FANCD2OS: variants seen among roughly 807,000 people sequenced by gnomAD.
The protein encoded by FANCD2OS is FANCD2 opposite strand.
A neutral mutation model predicts 13.2 loss-of-function variants in FANCD2OS; 11 were observed. The ratio of observed to expected loss-of-function variants is 0.83; its 90% CI spans 0.52 to 1.38. The LOEUF is 1.38. FANCD2OS is among the 40% of genes most tolerant of loss of function. The pLI, the probability that FANCD2OS is intolerant of heterozygous loss-of-function variation, is 0.00. For synonymous variants in FANCD2OS, 69 were observed against 84.5 expected (o/e 0.82, Z 1.01); for missense variants, 217 against 213.9 (o/e 1.01, Z -0.09).
intron 2 of FANCD2OS, chr3:10,088,559 C>G: frequency 6.5e-7 from 1 of 1,532,932 alleles, no homozygotes; most frequent in Non-Finnish European, 9.0e-7. Flanking sequence ...TGTTTGGTTT[C>G]TTCCAATGAG....
downstream of FANCD2OS, chr3:10,103,161 G>GT (rs1695369155): frequency 2.5e-6 from 1 of 392,246 alleles, no homozygotes; most frequent in African/African-American, 2.2e-5. Flanking sequence ...CCAGCACTTT[G>GT]GGAGGCTGAG....
intron 2 of FANCD2OS, among the ~76,000 whole-genome samples, chr3:10,086,410 C>G (rs1210620537): frequency 6.6e-6 from 1 of 152,082 alleles, no homozygotes; most frequent in Non-Finnish European, 1.5e-5. Flanking sequence ...TGGTCTTTCT[C>G]TCACTTCCCT....
intron 2 of FANCD2OS, among the ~76,000 whole-genome samples, chr3:10,089,982 C>G (rs1042888638): frequency 6.6e-6 from 1 of 152,200 alleles, no homozygotes; most frequent in Non-Finnish European, 1.5e-5. Flanking sequence ...TAGAGAACTT[C>G]TCAAGCTTAC....
downstream of FANCD2OS, among the ~76,000 whole-genome samples, chr3:10,102,253 C>T (rs985809002): frequency 9.9e-5 from 15 of 151,456 alleles, no homozygotes; most frequent in Non-Finnish European, 2.2e-4. Context: ...AAACAATTCT[C>T]CTGTCTCAGC....
chr3:10,100,515 G>C (rs1293822135), downstream of FANCD2OS, among the ~76,000 whole-genome samples: 1 of 152,138 alleles, frequency 6.6e-6, no homozygotes, highest in Non-Finnish European at 1.5e-5. Flanking sequence ...AGGATTACAG[G>C]TGCCTGCAAC....
At chr3:10,101,977 A>G, downstream of FANCD2OS, 1 of 176,380 alleles carries the variant, frequency 5.7e-6, no homozygotes. Flanking sequence ...TCATTATTCA[A>G]GGATTAGGTG....
intron 1 of FANCD2OS, 150 bp from the exon 2 acceptor site, chr3:10,104,932 A>ATTATT (rs113292025): frequency 7.2e-5 from 34 of 473,144 alleles, no homozygotes; most frequent in Non-Finnish European, 2.4e-5. Context: ...GATATTAGTA[A>ATTATT]TTATTTTATT....
chr3:10,105,749 TAAAAAAAA>T (rs142496934), intron 1 of FANCD2OS, among the ~76,000 whole-genome samples: 1 of 22,268 alleles, frequency 4.5e-5, no homozygotes, highest in South Asian at 1.5e-3. Context: ...AGACTCCATC[TAAAAAAAA>T]AAAAAAAAAA....
At chr3:10,095,289 A>C in intron 2 of FANCD2OS, 1 of 1,610,500 alleles carries the variant, frequency 6.2e-7, no homozygotes, top group Non-Finnish European at 8.5e-7. Flanking sequence ...GAAGGGGAGC[A>C]GGTTCTATCA....
chr3:10,097,854 A>G (rs1407478283), intron 2 of FANCD2OS, among the ~76,000 whole-genome samples: 1 of 152,194 alleles, frequency 6.6e-6, no homozygotes, highest in Non-Finnish European at 1.5e-5. Flanking sequence ...AAAAGTATTA[A>G]TTTGGGGAAC....
In FANCD2OS at chr3:10,106,105, G is replaced by A. The variant is rs190611962; in HGVS notation, c.-8-1323C>T. 3.3e-5 allele frequency among the ~76,000 whole-genome samples: 5 copies of A among 151,986 alleles called. No individual in the cohort carries two copies. In the East Asian group the frequency reaches 9.7e-4, roughly 29 times the overall value. On this transcript the variant is annotated intron_variant, in intron 1 of 1. Transcript: ENST00000450660. ...ACAAGGGAGCAACTTGCAGACCCCTGGGTTATTTATATACCACCTCAGAGG... is the reference window on the plus strand; with the variant it reads ...ACAAGGGAGCAACTTGCAGACCCCTAGGTTATTTATATACCACCTCAGAGG...
chr3:10,104,300 T>G lies in FANCD2OS; in HGVS notation c.475A>C (p.Ile159Leu). The change falls in exon 2 of 2, where the codon ATC (isoleucine) becomes CTC (leucine). Residue 159 changes from isoleucine (I) to leucine (L), a missense_variant. Physicochemically the swap from Ile to Leu is conservative, Grantham distance 5. Coordinates refer to ENST00000450660, the MANE Select transcript of FANCD2OS (RefSeq NM_001164839.2). ...VTMCKQMLRS[I>L]LLLYATYKKC... Reference sequence around the variant, plus strand: ...TTGTAAGTTGCATACAGCAAGAGGATAGAGCGCAGCATCTGTTTGCACATA... The same window carrying G: ...TTGTAAGTTGCATACAGCAAGAGGAGAGAGCGCAGCATCTGTTTGCACATA... The G allele has an allele frequency of 6.2e-7, 1 of 1,614,156 alleles. No individual in the cohort carries two copies. Among genetic ancestry groups the G allele is most frequent in the Non-Finnish European group, 8.5e-7 (1 of 1,180,010 alleles).
chr3:10,090,495 T>C, intron 2 of FANCD2OS: 2 of 728,748 alleles, frequency 2.7e-6, no homozygotes, highest in South Asian at 3.2e-5. Context: ...TTGCTTGTTC[T>C]GTTGCCCAGA....
intron 1 of FANCD2OS, among the ~76,000 whole-genome samples, chr3:10,106,462 C>T (rs1392738421): frequency 1.3e-5 from 2 of 152,162 alleles, no homozygotes; most frequent in East Asian, 1.9e-4. Context: ...GTGGGCATAG[C>T]AGGTCCCTTT....
At chr3:10,106,612 G>A (rs1434241897) in intron 1 of FANCD2OS, among the ~76,000 whole-genome samples, 2 of 152,062 alleles carry the variant, frequency 1.3e-5, no homozygotes, top group African/African-American at 2.4e-5. Context: ...AGAAAAGTTC[G>A]TTTTAAAAAA....
At chr3:10,107,907 C>G (rs909145075) in intron 1 of FANCD2OS, 108 bp downstream of exon 1, 7 of 152,294 alleles carry the variant, frequency 4.6e-5, no homozygotes, top group Non-Finnish European at 1.0e-4. Context: ...TCTGCTCAAG[C>G]TGCTCAATAG....
At chr3:10,094,475 C>A in intron 2 of FANCD2OS, 1 of 890,136 alleles carries the variant, frequency 1.1e-6, no homozygotes, top group Non-Finnish European at 1.9e-6. Flanking sequence ...TCCTCTGGTC[C>A]ACTTCAGCTG....
At chr3:10,100,198 T>A (rs1225627084), downstream of FANCD2OS, among the ~76,000 whole-genome samples, 1 of 152,196 alleles carries the variant, frequency 6.6e-6, no homozygotes, top group Non-Finnish European at 1.5e-5. Flanking sequence ...AAAGTTATTT[T>A]ATTTACATGG....
chr3:10,105,761 AAAAAAAAAAATT>A (rs1559414961), intron 1 of FANCD2OS, among the ~76,000 whole-genome samples: 17 of 68,884 alleles, frequency 2.5e-4, no homozygotes, highest in African/African-American at 5.7e-4. Context: ...AAAAAAAAAA[AAAAAAAAAAATT>A]ATATATATAT....
Sources: gnomAD v4.1 joint callset for allele counts (sites outside exome capture counted in the v4.1 genomes callset) on GRCh38, gnomAD v4.1.1 for gene constraint, MANE v1.5 for transcripts, NCBI Gene and HGNC (gene_info 2026-07-23, HGNC 2026-07-21) for gene names.